The following CELF4 variants were observed in gnomAD, a reference collection of about 807,000 sequenced individuals.
The protein encoded by CELF4 is CUG-BP- and ETR-3-like factor 4.
Under a neutral mutation model 59.9 loss-of-function variants are expected in CELF4, and 18 were observed. The ratio of observed to expected loss-of-function variants is 0.30; its 90% CI spans 0.21 to 0.45. The LOEUF (loss-of-function observed/expected upper bound fraction) is 0.45. Among genes scored for constraint, CELF4 ranks in the 20% least tolerant of loss-of-function variants. The probability of loss-of-function intolerance (pLI) is 1.00; values close to 1 mark genes in which losing one functional copy is unlikely to be tolerated. For synonymous variants in CELF4, 261 were observed against 267.1 expected (o/e 0.98, Z 0.22); for missense variants, 456 against 689.0 (o/e 0.66, Z 3.79).
At chr18:37,491,778 C>T (rs2099906428) in intron 1 of CELF4, among the ~76,000 whole-genome samples, 1 of 152,144 alleles carries the variant, frequency 6.6e-6, no homozygotes, top group Non-Finnish European at 1.5e-5. Flanking sequence ...ACATGGGCAG[C>T]GTGCAGACCA....
chr18:37,435,056 G>A (rs1293791603), intron 2 of CELF4, among the ~76,000 whole-genome samples: 1 of 152,096 alleles, frequency 6.6e-6, no homozygotes, highest in East Asian at 1.9e-4. Flanking sequence ...TCTAGTAACT[G>A]TTCTCTTCCA....
At chr18:37,490,357 T>TTGCCA (rs2099897482) in intron 1 of CELF4, among the ~76,000 whole-genome samples, 1 of 152,040 alleles carries the variant, frequency 6.6e-6, no homozygotes, top group Non-Finnish European at 1.5e-5. Flanking sequence ...TATTCATGTA[T>TTGCCA]CACTTGCATA....
At chr18:37,442,580 A>G (rs1240288593) in intron 2 of CELF4, among the ~76,000 whole-genome samples, 9 of 152,300 alleles carry the variant, frequency 5.9e-5, no homozygotes, top group African/African-American at 2.2e-4. Context: ...GCTTGGCCCA[A>G]ACAGCACAGC....
chr18:37,524,140 G>C (rs773046790), intron 1 of CELF4, among the ~76,000 whole-genome samples: 2 of 152,196 alleles, frequency 1.3e-5, no homozygotes, highest in Non-Finnish European at 2.9e-5. Flanking sequence ...CTCCATAAAT[G>C]TTAGTTCTTC....
chr18:37,404,615 G>A (rs9951070), intron 2 of CELF4, among the ~76,000 whole-genome samples: 11,935 of 152,190 alleles, frequency 0.078, 587 homozygotes, highest in African/African-American at 0.13. Flanking sequence ...CACCTGGCTC[G>A]ACCTGCTCCA....
chr18:37,547,690 G>A (rs1235209033), intron 1 of CELF4, among the ~76,000 whole-genome samples: 1 of 152,178 alleles, frequency 6.6e-6, no homozygotes. Flanking sequence ...TGGGGCCCCT[G>A]TGTTCCCGTC....
intron 3 of CELF4, among the ~76,000 whole-genome samples, chr18:37,309,425 A>G (rs776296548): frequency 6.8e-6 from 1 of 146,350 alleles, no homozygotes; most frequent in Non-Finnish European, 1.5e-5. Flanking sequence ...TGACTTAATG[A>G]GAGGATTGAG....
rs112147651 is a variant in CELF4, at chr18:37,394,313, T to C, written c.370-72432A>G. ...GGAGGCAGGAAGCTGGGGGACGGAA[T>C]TGGGCGGCTTCTCCCCTCCTGCTCG... On this transcript the variant is annotated intron_variant, in intron 2 of 12. Coordinates refer to ENST00000420428, the MANE Select transcript of CELF4 (RefSeq NM_020180.4). Among the ~76,000 whole-genome samples, 132 of 152,272 alleles carry C rather than the reference T, an allele frequency of 8.7e-4. 1 individual carries two copies. The highest frequency in any genetic ancestry group is 3.0e-3 in the African/African-American group (126 of 41,576).
At chr18:37,520,881 C>A (rs2099956557) in intron 1 of CELF4, among the ~76,000 whole-genome samples, 2 of 152,260 alleles carry the variant, frequency 1.3e-5, no homozygotes, top group African/African-American at 4.8e-5. Context: ...CTTTGGAATG[C>A]AGATTGATGG....
At chr18:37,307,058 AG>A (rs34196252) in intron 3 of CELF4, among the ~76,000 whole-genome samples, 68,814 of 151,750 alleles carry the variant, frequency 0.45, 15,827 homozygotes, top group South Asian at 0.57. Context: ...GGTGAGACAG[AG>A]GGGGCCACCA....
chr18:37,298,703 C>A (rs7234782), intron 3 of CELF4, among the ~76,000 whole-genome samples: 10 of 146,474 alleles, frequency 6.8e-5, no homozygotes, highest in Non-Finnish European at 1.5e-4. Flanking sequence ...CCAGCCTGGG[C>A]GACGGAGTGA....
intron 2 of CELF4, among the ~76,000 whole-genome samples, chr18:37,407,534 T>C (rs936702793): frequency 6.6e-6 from 1 of 152,082 alleles, no homozygotes. Context: ...GGTGTGTACA[T>C]GTGTGTATAT....
At chr18:37,406,797 T>A (rs2099392212) in intron 2 of CELF4, among the ~76,000 whole-genome samples, 1 of 151,594 alleles carries the variant, frequency 6.6e-6, no homozygotes, top group Admixed American at 6.6e-5. Context: ...AGAAGTTGGG[T>A]AGGGCAGGTA....
At chr18:37,419,947 A>G (rs2099565477) in intron 2 of CELF4, among the ~76,000 whole-genome samples, 1 of 152,222 alleles carries the variant, frequency 6.6e-6, no homozygotes. Flanking sequence ...TGAAGGACTC[A>G]CAAAACGGCC....
chr18:37,481,078 G>C (rs1439603178), intron 2 of CELF4, among the ~76,000 whole-genome samples: 1 of 152,302 alleles, frequency 6.6e-6, no homozygotes, highest in East Asian at 1.9e-4. Flanking sequence ...CCTGAGTCAG[G>C]AGGCGTGATG....
At chr18:37,524,918 A>G (rs984461261) in intron 1 of CELF4, among the ~76,000 whole-genome samples, 14 of 152,228 alleles carry the variant, frequency 9.2e-5, no homozygotes, top group Admixed American at 7.8e-4. Flanking sequence ...CCCAGTCCCG[A>G]GCTCGGTTTC....
intron 1 of CELF4, among the ~76,000 whole-genome samples, chr18:37,564,943 C>T (rs914107094): frequency 6.6e-6 from 1 of 152,094 alleles, no homozygotes; most frequent in African/African-American, 2.4e-5. Context: ...TTTTCAGCAC[C>T]ACGGCGATGG....
At chr18:37,449,245 G>A (rs1010184661) in intron 2 of CELF4, among the ~76,000 whole-genome samples, 13 of 152,296 alleles carry the variant, frequency 8.5e-5, no homozygotes, top group South Asian at 2.1e-4. Flanking sequence ...TGAGGCAAGA[G>A]GAAGGATGTC....
chr18:37,432,775 C>T (rs1170242098), intron 2 of CELF4, among the ~76,000 whole-genome samples: 2 of 152,168 alleles, frequency 1.3e-5, no homozygotes, highest in Non-Finnish European at 2.9e-5. Flanking sequence ...CTGGCCAGTG[C>T]CTCACATTTA....
Sources: gnomAD v4.1 joint callset for allele counts (sites outside exome capture counted in the v4.1 genomes callset) on GRCh38, gnomAD v4.1.1 for gene constraint, MANE v1.5 for transcripts, NCBI Gene and HGNC (gene_info 2026-07-23, HGNC 2026-07-21) for gene names.